Variants in SUCO observed in about 807,000 individuals in gnomAD.
The protein encoded by SUCO is SUN domain-containing ossification factor.
A neutral mutation model predicts 148.1 loss-of-function variants in SUCO; 57 were observed. The observed-to-expected ratio is 0.38, with a 90% CI of 0.31 to 0.48. The LOEUF is 0.48. Among genes scored for constraint, SUCO ranks in the 20% least tolerant of loss-of-function variants. The pLI is 0.96. For synonymous variants in SUCO, 470 were observed against 502.7 expected, an observed-to-expected ratio of 0.93 and a Z score of 0.87; for missense variants, 1,331 against 1,468.2, an observed-to-expected ratio of 0.91 and a Z score of 1.53.
At position 172,589,684 on chromosome 1, in the gene SUCO, A is replaced by G. The variant is rs561945501; in HGVS notation, c.2583A>G (p.Ser861=). Residue 861 remains serine, a synonymous_variant, in exon 18 of 24, where the codon TCA becomes TCG. Coordinates refer to ENST00000263688, the MANE Select transcript of SUCO (RefSeq NM_014283.5). ...QTLISVVDSS[S]LPEVKEEEQS... is the part of the protein sequence containing the mutation. ...TGATTTCTGTTGTGGATTCTTCTTC[A>G]TTACCTGAAGTAAAAGAAGAAGAAC... 1.3e-5 allele frequency: 21 copies of G among 1,613,872 alleles called. No homozygotes were observed. The South Asian group carries it at 2.3e-4, about 18-fold the overall frequency.
rs1411377597 is a variant in SUCO, at chr1:172,553,371, G to A, written c.288+1G>A. 1 of 1,568,296 alleles carries A rather than the reference G, an allele frequency of 6.4e-7. No individual in the cohort carries two copies. The highest frequency in any genetic ancestry group is 1.8e-5 in the Admixed American group (1 of 55,930). On this transcript the variant is annotated splice_donor_variant, in intron 3 of 23. Coordinates refer to ENST00000263688, the MANE Select transcript of SUCO (RefSeq NM_014283.5). LOFTEE classifies it high-confidence loss of function. Reference sequence around the variant, plus strand: ...AGATGATTCTATTGTGGATGTACAAGTAAGCTATGTCGCTTTGATTTTCAA... The same window carrying A: ...AGATGATTCTATTGTGGATGTACAAATAAGCTATGTCGCTTTGATTTTCAA...
intron 1 of SUCO, among the ~76,000 whole-genome samples, chr1:172,542,372 A>G (rs1224128279): frequency 6.6e-6 from 1 of 152,024 alleles, no homozygotes. Context: ...ACAAGAGCGA[A>G]ACTCCGTCTC....
At chr1:172,533,883 A>G (rs1280384050) in intron 1 of SUCO, among the ~76,000 whole-genome samples, 1 of 152,184 alleles carries the variant, frequency 6.6e-6, no homozygotes, top group Non-Finnish European at 1.5e-5. Context: ...GTAAGGGGAT[A>G]AAGCACGTCG....
At chr1:172,573,410 T>C (rs1439879969) in intron 9 of SUCO, among the ~76,000 whole-genome samples, 2 of 152,146 alleles carry the variant, frequency 1.3e-5, no homozygotes, top group Non-Finnish European at 2.9e-5. Context: ...TTTCCCCCCC[T>C]GCCCTTATAG....
Position 172,610,149 on chromosome 1 carries a change from C to G in SUCO, c.3655C>G (p.Leu1219Val). 1.2e-6 allele frequency: 2 copies of G among 1,613,624 alleles called. No individual in the cohort carries two copies. Among genetic ancestry groups the G allele is most frequent in the Non-Finnish European group, 1.7e-6 (2 of 1,179,804 alleles). Residue 1219 changes from leucine (L) to valine (V), a missense_variant, in exon 24 of 24, where the codon CTA becomes GTA. Leu to Val is a conservative substitution (Grantham distance 32). Around this residue, in one of 3 missense-constraint regions of SUCO, gnomAD observed 334 missense variants for 352.3 expected, o/e 0.95. Coordinates refer to ENST00000263688, the MANE Select transcript of SUCO (RefSeq NM_014283.5). ...AGACCAAGGAAAATTGATAAAAACTCTAATACAGACTAAGTCGGGATCATT... is the reference window on the plus strand; with the variant it reads ...AGACCAAGGAAAATTGATAAAAACTGTAATACAGACTAAGTCGGGATCATT... ...VQDQGKLIKT[L>V]IQTKSGSLPS... is the part of the protein sequence containing the mutation.
At chr1:172,537,802 C>A (rs774612131) in intron 1 of SUCO, among the ~76,000 whole-genome samples, 1 of 152,164 alleles carries the variant, frequency 6.6e-6, no homozygotes, top group Non-Finnish European at 1.5e-5. Context: ...CAGGTACTTA[C>A]AAAGGTTTTT....
Position 172,542,717 on chromosome 1 carries a change from G to A in SUCO, c.63-8795G>A, listed in dbSNP as rs149281040. The A allele has an allele frequency of 4.2e-3, 4,185 of 985,318 alleles. 25 individuals are homozygous for A. Among genetic ancestry groups the A allele is most frequent in the South Asian group, 0.025 (542 of 21,280 alleles). 61.0% of individuals were successfully genotyped at this position (985,318 alleles called of 1,614,324 possible). A position where few individuals can be genotyped will look rare whatever the true frequency, so the allele number is the denominator to read the frequency against. On this transcript the variant is annotated intron_variant, in intron 1 of 23. Transcript: ENST00000263688. ...CTCTGGTGCCAAAAGGTTGGGGACC[G>A]CTGTCATAGAGGGAATCATTTTTGA...
Position 172,533,227 on chromosome 1 carries a change from G to A in SUCO, c.-209G>A. On this transcript the variant is annotated 5_prime_UTR_variant, in exon 1 of 24. It adds an upstream start codon to the 5' untranslated region. Transcript: ENST00000263688. ...CAGCGGCGGCGGTCCCCGGAGTCCT[G>A]TGAAGCGCCCCTGTCCGCGCCTCTG... is the stretch of plus-strand genomic sequence containing the variant. 5 of 1,543,638 alleles carry A rather than the reference G, an allele frequency of 3.2e-6. No individual in the cohort carries two copies. The highest frequency in any genetic ancestry group is 4.4e-6 in the Non-Finnish European group (5 of 1,145,058).
chr1:172,574,657 T>C (rs887616524), intron 10 of SUCO, among the ~76,000 whole-genome samples: 2 of 152,094 alleles, frequency 1.3e-5, no homozygotes, highest in Admixed American at 6.5e-5. Flanking sequence ...TCATTTTTAA[T>C]GTGTACACAT....
chr1:172,532,462 C>T (rs369237481), upstream of SUCO: 11 of 1,598,828 alleles, frequency 6.9e-6, no homozygotes, highest in African/African-American at 2.7e-5. Context: ...TTTTCCGCTG[C>T]AACCAATCAG....
intron 3 of SUCO, among the ~76,000 whole-genome samples, chr1:172,554,737 C>G (rs1015673313): frequency 3.6e-4 from 25 of 68,540 alleles, no homozygotes; most frequent in Admixed American, 2.9e-3. Context: ...GACTCTGTCT[C>G]AAAAAAAAAA....
chr1:172,570,232 G>C, intron 8 of SUCO, 61 bp downstream of exon 8: 2 of 1,021,770 alleles, frequency 2.0e-6, no homozygotes, highest in Non-Finnish European at 1.4e-6. Context: ...TAAAATACAG[G>C]TTATTTGTTT....
intron 18 of SUCO, chr1:172,590,505 T>A (rs533419835): frequency 1.2e-4 from 33 of 268,070 alleles, no homozygotes; most frequent in Middle Eastern, 1.8e-3. Flanking sequence ...CTCTTTTTTT[T>A]ATCCTCTGTG....
intron 1 of SUCO, chr1:172,550,902 G>T (rs942350148): frequency 1.0e-6 from 1 of 975,072 alleles, no homozygotes; most frequent in Admixed American, 6.2e-5. Context: ...GACTAGTTTT[G>T]AATGTCAGAG....
At chr1:172,551,346 G>T (rs981950516) in intron 1 of SUCO, among the ~76,000 whole-genome samples, 166 bp from the exon 2 acceptor site, 1 of 152,004 alleles carries the variant, frequency 6.6e-6, no homozygotes, top group Non-Finnish European at 1.5e-5. Context: ...TTTCTTATAC[G>T]TATTGATTTT....
chr1:172,588,895 C>G lies in SUCO; in HGVS notation c.1794C>G (p.Ser598Arg), dbSNP rs377065957. The change falls in exon 18 of 24, where the codon AGC (serine) becomes AGG (arginine). Residue 598 changes from serine to arginine, a missense_variant. Transcript: ENST00000263688. ...ASPSTVTLLG[S>R]GEQEDESSPW... The stretch of plus-strand genomic sequence containing the variant: ...CATCTACAGTGACCCTTCTGGGCAG[C>G]GGTGAACAGGAAGATGAATCATCAC... The G allele has an allele frequency of 9.9e-6, 16 of 1,613,056 alleles. No homozygotes were observed. The highest frequency in any genetic ancestry group is 3.3e-5 in the Admixed American group (2 of 59,822).
intron 15 of SUCO, among the ~76,000 whole-genome samples, chr1:172,582,005 A>G (rs944479133): frequency 2.6e-5 from 4 of 152,200 alleles, no homozygotes; most frequent in Non-Finnish European, 4.4e-5. Context: ...TTCTTGAACT[A>G]AAACATTTAA....
chr1:172,555,709 C>T (rs180933774), intron 3 of SUCO, 160 bp from the exon 4 acceptor site: 11 of 253,992 alleles, frequency 4.3e-5, no homozygotes, highest in Non-Finnish European at 5.0e-5. Flanking sequence ...TTCCTTAGGG[C>T]GGTAATATTG....
rs1283859209 is a variant in SUCO, at chr1:172,589,059, G to A, written c.1958G>A (p.Ser653Asn). The A allele has an allele frequency of 4.3e-6, 7 of 1,613,740 alleles. No homozygotes were observed. Among genetic ancestry groups the A allele is most frequent in the Non-Finnish European group, 5.9e-6 (7 of 1,179,832 alleles). ...CGGCAGCGCAGCCGAACTGCTTTGAGTAAAGGAAAAGATTATCTTGTGTTA... is the reference window on the plus strand; with the variant it reads ...CGGCAGCGCAGCCGAACTGCTTTGAATAAAGGAAAAGATTATCTTGTGTTA... ...LYRQRSRTAL[S>N]KGKDYLVLAQ... Residue 653 changes from serine to asparagine, a missense_variant, in exon 18 of 24, where the codon AGT (serine) becomes AAT (asparagine). By Grantham distance (46) the Ser-to-Asn change is conservative. Around this residue, in one of 3 missense-constraint regions of SUCO, gnomAD observed 992 missense variants for 1,093.5 expected, o/e 0.91. Coordinates refer to ENST00000263688, the MANE Select transcript of SUCO (RefSeq NM_014283.5).
Sources: allele counts gnomAD v4.1 joint callset (sites outside exome capture counted in the v4.1 genomes callset), GRCh38; gene constraint gnomAD v4.1.1; regional missense constraint gnomAD v4.1.1; transcripts MANE v1.5; gene names NCBI Gene and HGNC (gene_info 2026-07-23, HGNC 2026-07-21).